OPRM1: variants seen among roughly 807,000 people sequenced by gnomAD.
The protein encoded by OPRM1 is opioid receptor mu 1, also known as mu-type opioid receptor.
A neutral mutation model predicts 31.8 loss-of-function variants in OPRM1; 27 were observed. The ratio of observed to expected loss-of-function variants is 0.85; its 90% confidence interval spans 0.63 to 1.17. OPRM1 has a LOEUF of 1.17. Ranked by LOEUF, OPRM1 falls within the 50% of genes most tolerant of loss-of-function variation. OPRM1 has a pLI of 0.00. For synonymous variants in OPRM1, 196 were observed against 189.9 expected (o/e 1.03, Z -0.26); for missense variants, 536 against 511.1 (o/e 1.05, Z -0.47).
At chr6:154,225,794 T>C (rs1490963610) in intron 3 of OPRM1, among the ~76,000 whole-genome samples, 2 of 152,264 alleles carry the variant, frequency 1.3e-5, no homozygotes, top group African/African-American at 4.8e-5. Context: ...TAAGGCGTTT[T>C]TATGTAAATT....
At chr6:154,091,709 C>T in intron 3 of OPRM1, 1 of 1,268,770 alleles carries the variant, frequency 7.9e-7, no homozygotes, top group African/African-American at 1.5e-5. Context: ...TGAAACTATT[C>T]AAAATAACTA....
intron 1 of OPRM1, among the ~76,000 whole-genome samples, chr6:154,068,233 A>G (rs1199853238): frequency 6.6e-6 from 1 of 152,138 alleles, no homozygotes; most frequent in Non-Finnish European, 1.5e-5. Flanking sequence ...TGAAAACACA[A>G]CATTCACTCT....
At chr6:154,014,582 TA>T (rs111498837) in intron 1 of OPRM1, among the ~76,000 whole-genome samples, 25,240 of 148,622 alleles carry the variant, frequency 0.17, 2,351 homozygotes, top group Admixed American at 0.26. Context: ...TGAATTTAGA[TA>T]AAAAAAAAAG....
chr6:154,181,592 A>C (rs938102203), intron 3 of OPRM1, among the ~76,000 whole-genome samples: 2 of 152,230 alleles, frequency 1.3e-5, no homozygotes, highest in Non-Finnish European at 2.9e-5. Flanking sequence ...CTGAGATAGC[A>C]GTTGACTGAA....
chr6:154,166,329 C>T (rs1199867068), intron 3 of OPRM1, among the ~76,000 whole-genome samples: 2 of 152,214 alleles, frequency 1.3e-5, no homozygotes, highest in African/African-American at 4.8e-5. Flanking sequence ...GATCTAGAAT[C>T]CTGAGTCTGC....
intron 3 of OPRM1, chr6:154,157,665 A>G (rs1227642988): frequency 6.6e-6 from 1 of 152,228 alleles, no homozygotes; most frequent in African/African-American, 2.4e-5. Flanking sequence ...ATTTAAGAAA[A>G]ACTGGAAGTC....
chr6:154,080,893 A>C (rs1282978191), intron 1 of OPRM1, among the ~76,000 whole-genome samples: 1 of 152,152 alleles, frequency 6.6e-6, no homozygotes, highest in Admixed American at 6.5e-5. Flanking sequence ...CAGAAGTCAC[A>C]TTACATCCTT....
intron 3 of OPRM1, among the ~76,000 whole-genome samples, chr6:154,216,092 C>T (rs1344802921): frequency 6.6e-6 from 1 of 152,100 alleles, no homozygotes; most frequent in African/African-American, 2.4e-5. Context: ...TTTAAATATC[C>T]ATCCCCTTCA....
chr6:154,045,252 A>C (rs763007688), intron 1 of OPRM1, among the ~76,000 whole-genome samples: 1 of 152,116 alleles, frequency 6.6e-6, no homozygotes, highest in Admixed American at 6.6e-5. Context: ...TAAAAAAAAA[A>C]GTACTAGGGG....
At chr6:154,086,747 T>C in intron 1 of OPRM1, 1 of 985,390 alleles carries the variant, frequency 1.0e-6, no homozygotes, top group Non-Finnish European at 1.2e-6. Context: ...CCATTAAAGA[T>C]AAGCCACGAA....
chr6:154,054,268 C>G (rs1375510886), intron 1 of OPRM1, among the ~76,000 whole-genome samples: 1 of 147,780 alleles, frequency 6.8e-6, no homozygotes, highest in Non-Finnish European at 1.5e-5. Context: ...ACTCGGGAGG[C>G]TGGGGAAGGA....
At chr6:154,087,580 T>C (rs1279452652) in intron 1 of OPRM1, 9 of 985,318 alleles carry the variant, frequency 9.1e-6, no homozygotes, top group Non-Finnish European at 1.1e-5. Flanking sequence ...TTCTCAGGTG[T>C]GGGTCCTGCA....
At chr6:154,084,947 C>CAT (rs1174057908) in intron 1 of OPRM1, among the ~76,000 whole-genome samples, 1 of 151,584 alleles carries the variant, frequency 6.6e-6, no homozygotes, top group Non-Finnish European at 1.5e-5. Context: ...CACACACACA[C>CAT]ACACATGCTG....
At chr6:154,062,044 G>C (rs1583301280) in intron 1 of OPRM1, among the ~76,000 whole-genome samples, 1 of 152,238 alleles carries the variant, frequency 6.6e-6, no homozygotes, top group Non-Finnish European at 1.5e-5. Context: ...CGAAGTTAGA[G>C]TATTAAATAT....
At chr6:154,017,302 G>A (rs949402714) in intron 1 of OPRM1, among the ~76,000 whole-genome samples, 4 of 152,124 alleles carry the variant, frequency 2.6e-5, no homozygotes, top group Non-Finnish European at 4.4e-5. Context: ...ATGCATGGGC[G>A]AGTATTGATT....
At chr6:154,155,621 C>T (rs1798681276) in intron 3 of OPRM1, 2 of 151,820 alleles carry the variant, frequency 1.3e-5, no homozygotes, top group African/African-American at 4.8e-5. Context: ...ACATGGTAAA[C>T]CCCGGTCTCT....
intron 3 of OPRM1, among the ~76,000 whole-genome samples, chr6:154,150,955 G>A (rs576259573): frequency 1.7e-4 from 26 of 152,258 alleles, no homozygotes; most frequent in African/African-American, 5.1e-4. Flanking sequence ...TCTTCGATGC[G>A]TCAATGGCAC....
intron 3 of OPRM1, among the ~76,000 whole-genome samples, chr6:154,229,176 C>A (rs558838274): frequency 6.6e-6 from 1 of 152,140 alleles, no homozygotes; most frequent in Admixed American, 6.6e-5. Context: ...ATTGTGAGTA[C>A]CTTGAAGGAA....
In OPRM1 at chr6:154,126,260, C is replaced by T. The variant is rs1442683386; in HGVS notation, c.*7539C>T. 6.6e-6 allele frequency among the ~76,000 whole-genome samples: 1 copy of T among 152,118 alleles called. No individual in the cohort carries two copies. Among genetic ancestry groups the T allele is most frequent in the Non-Finnish European group, 1.5e-5 (1 of 68,036 alleles). Reference sequence around the variant, plus strand: ...AGAGTCTGGGTAAAATTGAACATAGCCATATTCACTGAACAACATGAGTGA... The same window carrying T: ...AGAGTCTGGGTAAAATTGAACATAGTCATATTCACTGAACAACATGAGTGA... On this transcript the variant is annotated 3_prime_UTR_variant, in exon 4 of 4. Coordinates refer to ENST00000330432, the MANE Select transcript of OPRM1 (RefSeq NM_000914.5).
Sources: allele counts gnomAD v4.1 joint callset (sites outside exome capture counted in the v4.1 genomes callset), GRCh38; gene constraint gnomAD v4.1.1; transcripts MANE v1.5; gene names NCBI Gene and HGNC (gene_info 2026-07-23, HGNC 2026-07-21).